The following NUP210L variants were observed in gnomAD, a reference collection of about 807,000 sequenced individuals.
NUP210L encodes nuclear pore membrane glycoprotein 210-like.
A neutral mutation model predicts 208.5 loss-of-function variants in NUP210L; 74 were observed. The observed-to-expected ratio is 0.35, with a 90% CI of 0.29 to 0.43. NUP210L has a LOEUF of 0.43. NUP210L is among the 20% of genes least tolerant of loss of function. NUP210L has a pLI of 1.00. For missense variants in NUP210L, 1,843 were observed against 2,289.4 expected (o/e 0.81, Z 3.98); for synonymous variants, 780 against 816.9 (o/e 0.95, Z 0.77).
chr1:154,123,119 T>C (rs1657701186), intron 10 of NUP210L, among the ~76,000 whole-genome samples: 1 of 151,648 alleles, frequency 6.6e-6, no homozygotes, highest in African/African-American at 2.4e-5. Flanking sequence ...AGTTGCCATA[T>C]ACAACATCAA....
rs1020627134 is a variant in NUP210L, at chr1:154,073,441, G to T, written c.2362-2976C>A. Among the ~76,000 whole-genome samples the T allele has an allele frequency of 4.6e-5, 7 of 151,960 alleles. 1 individual carries two copies. Among genetic ancestry groups the T allele is most frequent in the African/African-American group, 1.7e-4 (7 of 41,378 alleles). ...CTTGAGAAACTGAGGTGGAAGGATC[G>T]CTTGAGCCCAAGTTCAAGGTTACAG... On this transcript the variant is annotated intron_variant, in intron 16 of 39. Transcript: ENST00000368559.
intron 28 of NUP210L, 124 bp downstream of exon 28, chr1:154,029,772 C>G: frequency 1.4e-6 from 1 of 717,820 alleles, no homozygotes; most frequent in African/African-American, 1.9e-5. Flanking sequence ...AAGTACAAAC[C>G]TGTTCCAGGA....
chr1:154,062,726 C>G (rs1014255453), intron 17 of NUP210L, among the ~76,000 whole-genome samples: 1 of 151,476 alleles, frequency 6.6e-6, no homozygotes. Flanking sequence ...TAGCTGGGAC[C>G]ACAGGTGCAC....
At chr1:154,096,067 G>T (rs1414303767) in intron 14 of NUP210L, among the ~76,000 whole-genome samples, 1 of 152,100 alleles carries the variant, frequency 6.6e-6, no homozygotes, top group Non-Finnish European at 1.5e-5. Context: ...TGTACGTTAG[G>T]TATTTCTCCT....
intron 8 of NUP210L, among the ~76,000 whole-genome samples, chr1:154,127,680 A>T (rs570478113): frequency 1.1e-4 from 17 of 150,656 alleles, no homozygotes; most frequent in African/African-American, 4.2e-4. Flanking sequence ...CCTCCCAAGT[A>T]ACTGGGATTA....
At chr1:154,130,683 A>C (rs1658204659) in intron 7 of NUP210L, among the ~76,000 whole-genome samples, 1 of 149,336 alleles carries the variant, frequency 6.7e-6, no homozygotes. Flanking sequence ...TCCTGGACTC[A>C]AGCGATTCTC....
chr1:154,026,149 G>A (rs561173927), intron 29 of NUP210L, among the ~76,000 whole-genome samples: 20 of 151,944 alleles, frequency 1.3e-4, no homozygotes, highest in African/African-American at 4.3e-4. Context: ...GCAGGAGAAT[G>A]GCTTGAACCT....
chr1:154,154,661 A>ACGCCACACCCAAGGGTCTGCTCCT, intron 1 of NUP210L, among the ~76,000 whole-genome samples, 181 bp downstream of exon 1: 1 of 152,148 alleles, frequency 6.6e-6, no homozygotes, highest in Admixed American at 6.5e-5. Flanking sequence ...TGAGTAGGAC[A>ACGCCACACCCAAGGGTCTGCTCCT]CGCCACACCC....
At chr1:154,031,372 G>C (rs999313902) in intron 27 of NUP210L, among the ~76,000 whole-genome samples, 5 of 152,132 alleles carry the variant, frequency 3.3e-5, no homozygotes, top group African/African-American at 1.2e-4. Context: ...TTACAGGTGT[G>C]AGCCATTGCA....
chr1:154,071,274 A>G (rs1406475043), intron 16 of NUP210L, among the ~76,000 whole-genome samples: 1 of 150,888 alleles, frequency 6.6e-6, no homozygotes, highest in Non-Finnish European at 1.5e-5. Flanking sequence ...CTTTTTTTTA[A>G]TTTTTATTAA....
intron 13 of NUP210L, among the ~76,000 whole-genome samples, chr1:154,103,424 G>A (rs1656574827): frequency 6.6e-6 from 1 of 150,666 alleles, no homozygotes; most frequent in African/African-American, 2.4e-5. Context: ...TGTAATCCCA[G>A]CACTTTGGGA....
At chr1:154,135,770 C>G (rs1311152871) in intron 7 of NUP210L, 44 bp downstream of exon 7, 1 of 1,542,842 alleles carries the variant, frequency 6.5e-7, no homozygotes, top group Non-Finnish European at 9.0e-7. Flanking sequence ...CTAGGATGCT[C>G]AAGGAAGTGT....
In NUP210L at chr1:153,992,735, C is replaced by T. The variant is rs150893976; in HGVS notation, c.*100G>A. ...TGCTTTATTTATAGTTCTCAGAAGC[C>T]TTATCTGGAAACTTAATGTAGAAGT... On this transcript the variant is annotated 3_prime_UTR_variant, in exon 40 of 40. Coordinates refer to ENST00000368559, the Ensembl canonical transcript of NUP210L. 172 of 758,790 alleles carry T rather than the reference C, an allele frequency of 2.3e-4. 1 individual carries two copies. Among genetic ancestry groups the T allele is most frequent in the Middle Eastern group, 2.0e-3 (8 of 4,076 alleles). The allele number at this position is 758,790 out of a possible 1,614,324, so 47.0% of individuals were successfully genotyped here. A position where few individuals can be genotyped will look rare whatever the true frequency, so the allele number is the denominator to read the frequency against.
At chr1:154,124,451 A>G (rs1657780590) in intron 10 of NUP210L, among the ~76,000 whole-genome samples, 1 of 152,186 alleles carries the variant, frequency 6.6e-6, no homozygotes. Flanking sequence ...GAGGCATTAG[A>G]AACAGATTCA....
chr1:154,096,199 TAG>T (rs1279130308), intron 14 of NUP210L, among the ~76,000 whole-genome samples: 1 of 152,160 alleles, frequency 6.6e-6, no homozygotes, highest in Non-Finnish European at 1.5e-5. Context: ...TAAAACGAAG[TAG>T]AGAGTTGAAG....
At chr1:154,083,140 G>A (rs543292122) in intron 16 of NUP210L, among the ~76,000 whole-genome samples, 5 of 152,238 alleles carry the variant, frequency 3.3e-5, no homozygotes, top group South Asian at 2.1e-4. Flanking sequence ...TGCCACTGTC[G>A]GCTCGGTGGC....
chr1:154,061,038 G>A (rs1308600140), exon 19 of NUP210L: 1 of 1,607,478 alleles, frequency 6.2e-7, no homozygotes, highest in Non-Finnish European at 8.5e-7. Context: ...TGGGCAAGTT[G>A]GAAATTTCCT....
intron 33 of NUP210L, 54 bp downstream of exon 33, chr1:154,018,879 C>A (rs1038892722): frequency 6.3e-7 from 1 of 1,589,670 alleles, no homozygotes; most frequent in African/African-American, 1.3e-5. Flanking sequence ...TGCATATCCT[C>A]ATATGTGGCA....
intron 37 of NUP210L, 31 bp from the exon 38 acceptor site, chr1:153,995,211 T>C (rs1649766151): frequency 2.1e-6 from 3 of 1,453,778 alleles, no homozygotes; most frequent in African/African-American, 2.8e-5. Flanking sequence ...AACAAGATAA[T>C]AGTTAATAGC....
Sources: allele counts gnomAD v4.1 joint callset (sites outside exome capture counted in the v4.1 genomes callset), GRCh38; gene constraint gnomAD v4.1.1; transcripts MANE v1.5; gene names NCBI Gene and HGNC (gene_info 2026-07-23, HGNC 2026-07-21).